The following ZNF766 variants were observed in gnomAD, a reference collection of about 807,000 sequenced individuals.
ZNF766 encodes zinc finger protein 766.
In ZNF766, 13 loss-of-function variants were observed where a neutral mutation model predicts 13.2. The ratio of observed to expected loss-of-function variants is 0.98; its 90% CI spans 0.64 to 1.56. The LOEUF is 1.56. Ranked by LOEUF, ZNF766 falls within the 40% of genes most tolerant of loss-of-function variation. The pLI is 0.00. For missense variants in ZNF766, 521 were observed against 552.2 expected (o/e 0.94, Z 0.57); for synonymous variants, 178 against 187.6 (o/e 0.95, Z 0.42).
Position 52,290,619 on chromosome 19 carries a change from TGGCAA to T in ZNF766, c.831_835del (p.Lys278LeufsTer16). 6.2e-7 allele frequency: 1 copy of T among 1,614,080 alleles called. No homozygotes were observed. Among genetic ancestry groups the T allele is most frequent in the Non-Finnish European group, 8.5e-7 (1 of 1,179,980 alleles). ...AGAGTCCTTACAAATGTAATGAGTG[TGGCAA>T]GGTCTTCAGTCGAATTACATACCTT... On this transcript the variant is annotated frameshift_variant, in exon 4 of 4. Transcript: ENST00000439461. LOFTEE classifies it low-confidence loss of function (END_TRUNC).
Position 52,294,942 on chromosome 19 carries a change from ATGTAT to A in ZNF766, c.*3746_*3750del, listed in dbSNP as rs1319850278. On this transcript the variant is annotated 3_prime_UTR_variant, in exon 4 of 4. Transcript: ENST00000439461. ...AGTGTGTGGGTTTATAATAAATATA[ATGTAT>A]TATATAATATGATTAAAATATATTT... 6.6e-6 allele frequency: 1 copy of A among 150,960 alleles called. No individual in the cohort carries two copies. Among genetic ancestry groups the A allele is most frequent in the Admixed American group, 6.6e-5 (1 of 15,112 alleles). The allele number at this position is 150,960 out of a possible 1,614,324, so 9.4% of individuals were successfully genotyped here.
rs371850779 is a variant in ZNF766, at chr19:52,282,232, C to T, written c.140C>T (p.Ser47Phe). 126 of 1,599,800 alleles carry T rather than the reference C, an allele frequency of 7.9e-5. 2 individuals are homozygous for T. The South Asian group carries it at 1.3e-3, about 16-fold the overall frequency. The change falls in exon 2 of 4, where the codon TCC (serine) becomes TTC (phenylalanine). Residue 47 changes from serine (S) to phenylalanine (F), a missense_variant. By Grantham distance (155) the Ser-to-Phe change is radical. Coordinates refer to ENST00000439461, the MANE Select transcript of ZNF766 (RefSeq NM_001010851.3). ...VMLENYRNLV[S>F]LGICLPDLSI... The stretch of plus-strand genomic sequence containing the variant: ...TTGGAGAACTACAGGAACCTGGTCT[C>T]CCTGGGTAAGGATAATGCCCCTCCA...
At position 52,290,706 on chromosome 19, in the gene ZNF766, C is replaced by G; in HGVS notation, c.915C>G (p.Gly305=). 2 of 1,613,756 alleles carry G rather than the reference C, an allele frequency of 1.2e-6. No individual in the cohort carries two copies. Among genetic ancestry groups the G allele is most frequent in the Non-Finnish European group, 1.7e-6 (2 of 1,179,868 alleles). The stretch of plus-strand genomic sequence containing the variant: ...AACCTCATAAATGTAACAAATGTGG[C>G]AAGGTTTATAGTAGCAGTTCATACC... ...REKPHKCNKC[G]KVYSSSSYLA... is the part of the protein sequence containing the mutation. Residue 305 remains glycine (G), a synonymous_variant, in exon 4 of 4, where the codon GGC becomes GGG. Coordinates refer to ENST00000439461, the MANE Select transcript of ZNF766 (RefSeq NM_001010851.3).
In ZNF766 at chr19:52,288,452, A is replaced by G. The variant is rs189682308; in HGVS notation, c.275-1614A>G. Among the ~76,000 whole-genome samples the G allele has an allele frequency of 8.9e-4, 135 of 152,166 alleles. 1 individual carries two copies. In the East Asian group the frequency reaches 0.022, roughly 24 times the overall value. On this transcript the variant is annotated intron_variant, in intron 3 of 3. Transcript: ENST00000439461. ...TAGGCTGGAGTGCAGCAGCATGATCATAGATCCTGGAATCCAGTGATGATC... is the reference window on the plus strand; with the variant it reads ...TAGGCTGGAGTGCAGCAGCATGATCGTAGATCCTGGAATCCAGTGATGATC...
At chr19:52,276,102 A>G (rs528525138) in intron 1 of ZNF766, among the ~76,000 whole-genome samples, 1 of 152,248 alleles carries the variant, frequency 6.6e-6, no homozygotes, top group Non-Finnish European at 1.5e-5. Context: ...GCTGTATTAT[A>G]TATACCAGAT....
At position 52,291,079 on chromosome 19, in the gene ZNF766, C is replaced by G; in HGVS notation, c.1288C>G (p.Gln430Glu). 1 of 1,614,128 alleles carries G rather than the reference C, an allele frequency of 6.2e-7. No homozygotes were observed. Among genetic ancestry groups the G allele is most frequent in the Non-Finnish European group, 8.5e-7 (1 of 1,179,982 alleles). The change falls in exon 4 of 4, where the codon CAG becomes GAG. Residue 430 changes from glutamine to glutamate, a missense_variant. Gln to Glu is a conservative substitution (Grantham distance 29, BLOSUM62 2). Coordinates refer to ENST00000439461, the MANE Select transcript of ZNF766 (RefSeq NM_001010851.3). Reference protein sequence around the residue: ...FTQNSHLANHQRIHTGEKPYK... With the variant: ...FTQNSHLANHERIHTGEKPYK... ...TCAGAATTCACACCTTGCAAATCATCAGAGAATCCACACTGGAGAGAAACC... is the reference window on the plus strand; with the variant it reads ...TCAGAATTCACACCTTGCAAATCATGAGAGAATCCACACTGGAGAGAAACC...
At chr19:52,286,322 C>CTT (rs1164613687) in intron 3 of ZNF766, among the ~76,000 whole-genome samples, 3 of 119,856 alleles carry the variant, frequency 2.5e-5, no homozygotes, top group African/African-American at 4.0e-5. Context: ...GTTTTTCTTT[C>CTT]TTTTTTTTTT....
intron 3 of ZNF766, among the ~76,000 whole-genome samples, chr19:52,289,799 G>C (rs1182749632): frequency 1.3e-5 from 2 of 152,078 alleles, no homozygotes; most frequent in African/African-American, 4.8e-5. Context: ...AGGAGATCGA[G>C]ACCATCCTGG....
intron 1 of ZNF766, among the ~76,000 whole-genome samples, chr19:52,275,772 CT>C (rs113512120): frequency 0.18 from 27,744 of 151,382 alleles, 2,823 homozygotes; most frequent in African/African-American, 0.27. Flanking sequence ...CCTCCGCCTC[CT>C]GGGTTCAAGT....
At chr19:52,271,472 C>T (rs774336584) in intron 1 of ZNF766, among the ~76,000 whole-genome samples, 16 of 152,178 alleles carry the variant, frequency 1.1e-4, no homozygotes, top group Admixed American at 3.3e-4. Flanking sequence ...GGCCTGTGAT[C>T]TCTACTCAGT....
chr19:52,276,127 G>A (rs1330910247), intron 1 of ZNF766, among the ~76,000 whole-genome samples: 1 of 152,208 alleles, frequency 6.6e-6, no homozygotes, highest in African/African-American at 2.4e-5. Flanking sequence ...AGTAGGCTAT[G>A]CTATCTTGGT....
chr19:52,281,110 G>A (rs1188048215), intron 1 of ZNF766, among the ~76,000 whole-genome samples: 2 of 150,860 alleles, frequency 1.3e-5, no homozygotes, highest in South Asian at 2.1e-4. Flanking sequence ...AACCGAGATC[G>A]CACCATTGCA....
rs1367620800 is a variant in ZNF766, at chr19:52,296,020, A to G, written c.*4822A>G. The G allele has an allele frequency of 6.6e-6, 1 of 152,176 alleles. No homozygotes were observed. Among genetic ancestry groups the G allele is most frequent in the Non-Finnish European group, 1.5e-5 (1 of 68,038 alleles). The allele number at this position is 152,176 out of a possible 1,614,324, so 9.4% of individuals were successfully genotyped here. On this transcript the variant is annotated 3_prime_UTR_variant, in exon 4 of 4. Transcript: ENST00000439461. ...CATTTTTTTCTATGTTGAGTTTATC[A>G]ATAAATTGATATTGTATATGTCTCT...
In ZNF766 at chr19:52,277,545, A is replaced by G. The variant is rs147057284; in HGVS notation, c.19-4566A>G. 9.9e-5 allele frequency: 155 copies of G among 1,569,692 alleles called. No homozygotes were observed. The African/African-American group carries it at 1.8e-3, about 18-fold the overall frequency. ...GTCAGGCATGCCACTTACTCAGGTA[A>G]AGTGATATTCTCAGTAGATTGTTCT... On this transcript the variant is annotated intron_variant, in intron 1 of 3. Coordinates refer to ENST00000439461, the MANE Select transcript of ZNF766 (RefSeq NM_001010851.3).
chr19:52,291,307 A>G lies in ZNF766; in HGVS notation c.*109A>G, dbSNP rs1214948999. 4 of 1,082,118 alleles carry G rather than the reference A, an allele frequency of 3.7e-6. No individual in the cohort carries two copies. The highest frequency in any genetic ancestry group is 5.3e-6 in the Non-Finnish European group (4 of 758,876). 67.0% of individuals were successfully genotyped at this position (1,082,118 alleles called of 1,614,324 possible). ...TGTGGCACAGGCTGTATCGAGACCT[A>G]CCAAATCACTAGACATCGAAACATT... On this transcript the variant is annotated 3_prime_UTR_variant, in exon 4 of 4. Transcript: ENST00000439461.
In ZNF766 at chr19:52,291,888, A is replaced by G; in HGVS notation, c.*690A>G. ...CCTGGAGATCAAGATAAGTATGGGCAACGTAGCAAGGCCCATCCCTACAAA... is the reference window on the plus strand; with the variant it reads ...CCTGGAGATCAAGATAAGTATGGGCGACGTAGCAAGGCCCATCCCTACAAA... On this transcript the variant is annotated 3_prime_UTR_variant, in exon 4 of 4. Transcript: ENST00000439461. 4.7e-6 allele frequency: 2 copies of G among 425,602 alleles called. No individual in the cohort carries two copies. The highest frequency in any genetic ancestry group is 4.2e-6 in the Non-Finnish European group (1 of 239,216). The allele number at this position is 425,602 out of a possible 1,614,324, so 26.4% of individuals were successfully genotyped here.
At chr19:52,273,087 T>C (rs139145840) in intron 1 of ZNF766, among the ~76,000 whole-genome samples, 3 of 152,098 alleles carry the variant, frequency 2.0e-5, no homozygotes, top group African/African-American at 7.2e-5. Flanking sequence ...TGGCTCACCA[T>C]AACCTCTGCC....
chr19:52,289,957 T>G lies in ZNF766; in HGVS notation c.275-109T>G, dbSNP rs568663196. On this transcript the variant is annotated intron_variant, in intron 3 of 3. Transcript: ENST00000439461. ...CGGAGCTTGCAGTGATCCGAGATCG[T>G]GCCACTGCACTCCAGCCTGGGTGGC... is the stretch of plus-strand genomic sequence containing the variant. 5 of 1,114,268 alleles carry G rather than the reference T, an allele frequency of 4.5e-6. No individual in the cohort carries two copies. In the African/African-American group the frequency reaches 7.9e-5, roughly 18 times the overall value. 69.0% of individuals were successfully genotyped at this position (1,114,268 alleles called of 1,614,324 possible). A position where few individuals can be genotyped will look rare whatever the true frequency, so the allele number is the denominator to read the frequency against.
intron 1 of ZNF766, among the ~76,000 whole-genome samples, chr19:52,273,725 G>C (rs1203391763): frequency 1.3e-5 from 2 of 152,226 alleles, no homozygotes; most frequent in Non-Finnish European, 2.9e-5. Context: ...CACATTGCCT[G>C]CTCTGGATGT....
Sources: gnomAD v4.1 joint callset for allele counts (sites outside exome capture counted in the v4.1 genomes callset) on GRCh38, gnomAD v4.1.1 for gene constraint, MANE v1.5 for transcripts, NCBI Gene and HGNC (gene_info 2026-07-23, HGNC 2026-07-21) for gene names.